RBFOX3: variants seen among roughly 807,000 people sequenced by gnomAD.
The protein encoded by RBFOX3 is RNA binding fox-1 homolog 3.
Under a neutral mutation model 48.7 loss-of-function variants are expected in RBFOX3, and 17 were observed. That is an observed-to-expected ratio of 0.35 (90% CI 0.24 to 0.52). The LOEUF (loss-of-function observed/expected upper bound fraction) is 0.52. RBFOX3 is among the 20% of genes least tolerant of loss of function. RBFOX3 has a pLI of 0.94. For missense variants in RBFOX3, 382 were observed against 497.5 expected (o/e 0.77, Z 2.21); for synonymous variants, 212 against 209.5 (o/e 1.01, Z -0.10).
At chr17:79,273,289 C>G (rs1480374334) in intron 3 of RBFOX3, among the ~76,000 whole-genome samples, 2 of 152,180 alleles carry the variant, frequency 1.3e-5, no homozygotes, top group African/African-American at 4.8e-5. Flanking sequence ...GCACTCTTGT[C>G]ATTTTTTATT....
intron 4 of RBFOX3, among the ~76,000 whole-genome samples, chr17:79,116,247 A>G (rs906888012): frequency 6.6e-6 from 1 of 152,186 alleles, no homozygotes; most frequent in Non-Finnish European, 1.5e-5. Flanking sequence ...TTTAGAGCCA[A>G]CCCATCTCCT....
the RBFOX3 span, among the ~76,000 whole-genome samples, chr17:79,661,902 T>C: frequency 6.6e-6 from 1 of 152,182 alleles, no homozygotes; most frequent in African/African-American, 2.4e-5. Context: ...TTTGGTGACA[T>C]ATGTTGCCAA....
intron 2 of RBFOX3, among the ~76,000 whole-genome samples, chr17:79,326,160 G>A (rs1004275119): frequency 6.6e-6 from 1 of 152,188 alleles, no homozygotes; most frequent in Non-Finnish European, 1.5e-5. Context: ...GGGGGTAAGG[G>A]CATCAGGAGG....
chr17:79,348,362 C>G (rs1167503435), intron 2 of RBFOX3, among the ~76,000 whole-genome samples: 1 of 152,162 alleles, frequency 6.6e-6, no homozygotes, highest in Non-Finnish European at 1.5e-5. Flanking sequence ...AAACATTCCC[C>G]TTCACGCTTA....
chr17:79,194,359 C>T (rs946397913), intron 4 of RBFOX3, among the ~76,000 whole-genome samples: 10 of 152,148 alleles, frequency 6.6e-5, no homozygotes, highest in Admixed American at 3.3e-4. Flanking sequence ...GTAATCCCAG[C>T]ACTTTGGGAG....
At chr17:79,630,074 G>C in the RBFOX3 span, among the ~76,000 whole-genome samples, 1 of 152,114 alleles carries the variant, frequency 6.6e-6, no homozygotes, top group East Asian at 1.9e-4. Flanking sequence ...AAACTATAAG[G>C]AAAAATTTTT....
intron 2 of RBFOX3, among the ~76,000 whole-genome samples, chr17:79,334,142 C>G (rs1482601784): frequency 6.6e-6 from 1 of 152,030 alleles, no homozygotes; most frequent in East Asian, 1.9e-4. Flanking sequence ...CTACCATCCA[C>G]CCATTCCTAG....
intron 5 of RBFOX3, among the ~76,000 whole-genome samples, chr17:79,113,535 C>T (rs2032839708): frequency 6.6e-6 from 1 of 152,164 alleles, no homozygotes; most frequent in Admixed American, 6.5e-5. Context: ...GCCGTCTGTC[C>T]ATCCTCTGGG....
rs1048794067 is a variant in RBFOX3 at position 79,324,548 on chromosome 17, T to G, written c.-174-16724A>C. On this transcript the variant is annotated intron_variant, in intron 2 of 14. Transcript: ENST00000693108. Reference sequence around the variant, plus strand: ...CACATCCTGGCAGTAGCCCCTCTGGTGGGCAGACAAGCAGGTGACGTGGGC... The same window carrying G: ...CACATCCTGGCAGTAGCCCCTCTGGGGGGCAGACAAGCAGGTGACGTGGGC... Among the ~76,000 whole-genome samples the G allele has an allele frequency of 2.6e-5, 4 of 152,064 alleles. No homozygotes were observed. The South Asian group carries it at 8.3e-4, about 32-fold the overall frequency.
chr17:79,592,378 A>G (rs1236022271), intron 1 of RBFOX3, among the ~76,000 whole-genome samples: 1 of 151,146 alleles, frequency 6.6e-6, no homozygotes, highest in Non-Finnish European at 1.5e-5. Flanking sequence ...TGGTGTGTGC[A>G]GTGTGTGATA....
At chr17:79,638,407 T>C in the RBFOX3 span, among the ~76,000 whole-genome samples, 1 of 151,402 alleles carries the variant, frequency 6.6e-6, no homozygotes, top group Non-Finnish European at 1.5e-5. Flanking sequence ...AAAAGAGGTA[T>C]TAAAATGAAT....
chr17:79,383,224 G>A (rs911655045), intron 2 of RBFOX3, among the ~76,000 whole-genome samples: 1 of 152,170 alleles, frequency 6.6e-6, no homozygotes, highest in Non-Finnish European at 1.5e-5. Context: ...CTGCCTGGGG[G>A]CTTCCAGCCA....
At chr17:79,604,976 T>A (rs1013343399) in intron 1 of RBFOX3, among the ~76,000 whole-genome samples, 9 of 152,282 alleles carry the variant, frequency 5.9e-5, no homozygotes, top group Admixed American at 2.6e-4. Context: ...GCACCTGGAC[T>A]CCAGGGACAC....
At chr17:79,194,636 G>T (rs965840413) in intron 4 of RBFOX3, among the ~76,000 whole-genome samples, 2 of 151,824 alleles carry the variant, frequency 1.3e-5, no homozygotes, top group African/African-American at 4.8e-5. Context: ...CTGCTTCCTG[G>T]TTCTTCAAGA....
intron 2 of RBFOX3, among the ~76,000 whole-genome samples, chr17:79,466,595 C>T (rs943087594): frequency 1.3e-5 from 2 of 152,236 alleles, no homozygotes; most frequent in Non-Finnish European, 2.9e-5. Context: ...CCATGCATGC[C>T]CATTGGAGGA....
At chr17:79,572,299 C>G (rs1347766686) in intron 1 of RBFOX3, among the ~76,000 whole-genome samples, 3 of 152,218 alleles carry the variant, frequency 2.0e-5, no homozygotes, top group African/African-American at 4.8e-5. Context: ...CGCCCCGCCA[C>G]CCGGCTTAGC....
chr17:79,310,430 A>G (rs1340598071), intron 2 of RBFOX3, among the ~76,000 whole-genome samples: 1 of 152,010 alleles, frequency 6.6e-6, no homozygotes, highest in Non-Finnish European at 1.5e-5. Context: ...GCAATCTGTC[A>G]CCAAGCTCGA....
At chr17:79,337,840 G>C (rs1057408593) in intron 2 of RBFOX3, among the ~76,000 whole-genome samples, 1 of 152,054 alleles carries the variant, frequency 6.6e-6, no homozygotes, top group African/African-American at 2.4e-5. Context: ...CACACACACA[G>C]AGTTCTTATA....
chr17:79,148,236 C>T (rs539686558), intron 4 of RBFOX3, among the ~76,000 whole-genome samples: 11 of 152,336 alleles, frequency 7.2e-5, no homozygotes, highest in African/African-American at 9.6e-5. Flanking sequence ...ACTGGGGTCC[C>T]GTTTCCCACC....
Sources: allele counts gnomAD v4.1 joint callset (sites outside exome capture counted in the v4.1 genomes callset), GRCh38; gene constraint gnomAD v4.1.1; transcripts MANE v1.5; gene names NCBI Gene and HGNC (gene_info 2026-07-23, HGNC 2026-07-21).